Variants in ARK2N observed in about 807,000 individuals in gnomAD.
ARK2N encodes protein ARK2N.
At chr18:46,193,021 C>G in the ARK2N span, among the ~76,000 whole-genome samples, 2 of 151,586 alleles carry the variant, frequency 1.3e-5, no homozygotes, top group African/African-American at 4.8e-5. Context: ...AATAGTGAAA[C>G]TGGGCATGGT....
At chr18:46,251,477 G>A in the ARK2N span, among the ~76,000 whole-genome samples, 3 of 152,152 alleles carry the variant, frequency 2.0e-5, no homozygotes, top group Non-Finnish European at 2.9e-5. Flanking sequence ...ACAAACCCAC[G>A]CAAACTGTGA....
At chr18:46,178,432 C>T in the ARK2N span, among the ~76,000 whole-genome samples, 1 of 152,328 alleles carries the variant, frequency 6.6e-6, no homozygotes, top group African/African-American at 2.4e-5. Flanking sequence ...CCTGCCTCAG[C>T]CTCCCGAGTA....
At chr18:46,206,083 A>G in the ARK2N span, among the ~76,000 whole-genome samples, 1 of 149,864 alleles carries the variant, frequency 6.7e-6, no homozygotes, top group Non-Finnish European at 1.5e-5. Context: ...TTATTTCTCT[A>G]CCACCAAACT....
At chr18:46,192,501 C>A in the ARK2N span, among the ~76,000 whole-genome samples, 1 of 151,500 alleles carries the variant, frequency 6.6e-6, no homozygotes, top group Admixed American at 6.6e-5. Flanking sequence ...TGCTTGAACC[C>A]GGGAGGTGGA....
the ARK2N span, chr18:46,240,228 C>T: frequency 1.1e-4 from 177 of 1,603,444 alleles, 1 homozygote; most frequent in African/African-American, 2.1e-3. Context: ...GTGTAATATG[C>T]ATGTGTCCTG....
the ARK2N span, among the ~76,000 whole-genome samples, chr18:46,180,279 C>T: frequency 6.6e-6 from 1 of 152,278 alleles, no homozygotes; most frequent in East Asian, 1.9e-4. Context: ...TGAGTATTTT[C>T]TAGTTAAGTG....
the ARK2N span, chr18:46,266,715 G>A: frequency 6.5e-6 from 1 of 152,676 alleles, no homozygotes; most frequent in Admixed American, 6.5e-5. Flanking sequence ...TGGAGTGTGA[G>A]CGTGGACTTG....
At chr18:46,181,853 C>T in the ARK2N span, among the ~76,000 whole-genome samples, 3 of 152,112 alleles carry the variant, frequency 2.0e-5, no homozygotes, top group East Asian at 5.8e-4. Context: ...AGTGATCCTC[C>T]CATTTCAGCC....
At chr18:46,185,456 T>C in the ARK2N span, among the ~76,000 whole-genome samples, 2 of 152,232 alleles carry the variant, frequency 1.3e-5, no homozygotes, top group African/African-American at 4.8e-5. Flanking sequence ...TTAATTTTCT[T>C]GGATGATTAC....
At chr18:46,184,324 A>G in the ARK2N span, among the ~76,000 whole-genome samples, 2 of 152,102 alleles carry the variant, frequency 1.3e-5, no homozygotes, top group South Asian at 2.1e-4. Flanking sequence ...GGGTTTCAGC[A>G]TGTTGGCTAG....
chr18:46,173,855 A>G, the ARK2N span: 1 of 152,258 alleles, frequency 6.6e-6, no homozygotes, highest in African/African-American at 2.4e-5. Flanking sequence ...GGAGCGCGGG[A>G]AAGAAGCCCG....
At chr18:46,201,893 T>C in the ARK2N span, among the ~76,000 whole-genome samples, 1 of 151,930 alleles carries the variant, frequency 6.6e-6, no homozygotes, top group Admixed American at 6.6e-5. Flanking sequence ...TTCTCCTCCT[T>C]CAGCCTCCTG....
the ARK2N span, among the ~76,000 whole-genome samples, chr18:46,235,167 A>G: frequency 7.9e-5 from 12 of 152,240 alleles, no homozygotes; most frequent in Non-Finnish European, 1.6e-4. Context: ...CTAAATATAG[A>G]TTAATCCAGA....
chr18:46,224,253 T>C, the ARK2N span, among the ~76,000 whole-genome samples: 4 of 152,190 alleles, frequency 2.6e-5, no homozygotes, highest in Admixed American at 2.6e-4. Flanking sequence ...CAAACTTAAC[T>C]ACATTTTTTT....
chr18:46,263,089 G>A, the ARK2N span: 12 of 1,613,654 alleles, frequency 7.4e-6, no homozygotes, highest in Admixed American at 1.3e-4. Flanking sequence ...TACCTTGGAT[G>A]AGGATAGCAG....
the ARK2N span, chr18:46,264,807 CCTT>C: frequency 7.1e-6 from 1 of 141,458 alleles, no homozygotes; most frequent in Non-Finnish European, 1.5e-5. Flanking sequence ...CCTGTATGTT[CCTT>C]CTTCCACAGG....
At chr18:46,255,429 GCTTTT>G in the ARK2N span, among the ~76,000 whole-genome samples, 3 of 127,492 alleles carry the variant, frequency 2.4e-5, no homozygotes, top group South Asian at 2.4e-4. Context: ...TCTTTTCTTT[GCTTTT>G]CTTTTCTTTT....
chr18:46,191,349 AT>A, the ARK2N span, among the ~76,000 whole-genome samples: 453 of 145,222 alleles, frequency 3.1e-3, 3 homozygotes, highest in African/African-American at 2.6e-3. Flanking sequence ...TGTTTATTTA[AT>A]TTTTTTTTTT....
At chr18:46,187,935 C>G in the ARK2N span, among the ~76,000 whole-genome samples, 1 of 152,148 alleles carries the variant, frequency 6.6e-6, no homozygotes, top group Admixed American at 6.6e-5. Context: ...TAAACTGGAA[C>G]TCCCCCGCTA....
Sources: gnomAD v4.1 joint callset for allele counts (sites outside exome capture counted in the v4.1 genomes callset) on GRCh38, gnomAD v4.1.1 for gene constraint, MANE v1.5 for transcripts, NCBI Gene and HGNC (gene_info 2026-07-23, HGNC 2026-07-21) for gene names.